Variants in CACNB2 observed in about 807,000 individuals in gnomAD.
CACNB2 encodes voltage-dependent L-type calcium channel subunit beta-2.
A neutral mutation model predicts 73.3 loss-of-function variants in CACNB2; 42 were observed. The observed-to-expected ratio is 0.57, with a 90% confidence interval of 0.45 to 0.74. CACNB2 has a LOEUF of 0.74. Among genes scored for constraint, CACNB2 ranks in the 30% least tolerant of loss-of-function variants. CACNB2 has a pLI of 0.00. For synonymous variants in CACNB2, 348 were observed against 310.3 expected (o/e 1.12, Z -1.28); for missense variants, 940 against 853.0 (o/e 1.10, Z -1.27).
intron 2 of CACNB2, among the ~76,000 whole-genome samples, chr10:18,387,568 T>G (rs1024681350): frequency 7.2e-5 from 11 of 152,148 alleles, no homozygotes; most frequent in African/African-American, 2.4e-4. Flanking sequence ...TTCCAATGAT[T>G]GTCATTTAAA....
At position 18,536,275 on chromosome 10, in the gene CACNB2, G is replaced by GTTTTTTTTTTTTT. The variant is rs2053587888; in HGVS notation, c.1302+79_1302+80insTTTTTTTTTTTTT. On this transcript the variant is annotated intron_variant, in intron 12 of 13. Coordinates refer to ENST00000324631, the MANE Select transcript of CACNB2 (RefSeq NM_201596.3). ...TTTTTTTTTTTTTTTTTTTTTTTTG[G>GTTTTTTTTTTTTT]GGGACAAGGTCTTGCTCTGTTGCCC... 4.0e-3 allele frequency: 368 copies of GTTTTTTTTTTTTT among 92,494 alleles called. 89 individuals are homozygous for GTTTTTTTTTTTTT. The highest frequency in any genetic ancestry group is 0.02 in the African/African-American group (199 of 10,148). 5.7% of individuals were successfully genotyped at this position (92,494 alleles called of 1,614,324 possible). A position where few individuals can be genotyped will look rare whatever the true frequency, so the allele number is the denominator to read the frequency against.
chr10:18,433,094 T>C (rs149257680), intron 3 of CACNB2, among the ~76,000 whole-genome samples: 20 of 145,388 alleles, frequency 1.4e-4, no homozygotes, highest in African/African-American at 4.9e-4. Context: ...TATTTATTCA[T>C]TAAAATAAAT....
chr10:18,543,282 C>A lies in CACNB2; in HGVS notation c.*3558C>A, dbSNP rs2054140244. Reference sequence around the variant, plus strand: ...ACTTTATGTTCCTTTAGTAATCTTCCTATTATGTCTGATTAAAAAAAAAGA... The same window carrying A: ...ACTTTATGTTCCTTTAGTAATCTTCATATTATGTCTGATTAAAAAAAAAGA... On this transcript the variant is annotated 3_prime_UTR_variant, in exon 14 of 14. Coordinates refer to ENST00000324631, the MANE Select transcript of CACNB2 (RefSeq NM_201596.3). 1 of 151,740 alleles carries A rather than the reference C, an allele frequency of 6.6e-6. No homozygotes were observed. The highest frequency in any genetic ancestry group is 6.6e-5 in the Admixed American group (1 of 15,228). 9.4% of individuals were successfully genotyped at this position (151,740 alleles called of 1,614,324 possible).
chr10:18,206,390 A>G (rs373673131), intron 2 of CACNB2: 34 of 152,652 alleles, frequency 2.2e-4, no homozygotes, highest in African/African-American at 7.9e-4. Context: ...TGGGGCATCC[A>G]CTGCTCGGGC....
At chr10:18,173,831 G>A (rs2033408607) in intron 2 of CACNB2, among the ~76,000 whole-genome samples, 1 of 152,144 alleles carries the variant, frequency 6.6e-6, no homozygotes, top group South Asian at 2.1e-4. Context: ...TTTTTAAAAT[G>A]CTTGGCCATT....
chr10:18,284,528 G>A (rs557133879), intron 2 of CACNB2, among the ~76,000 whole-genome samples: 1 of 152,232 alleles, frequency 6.6e-6, no homozygotes, highest in South Asian at 2.1e-4. Context: ...TCCTTTACTG[G>A]AAACATGTGC....
intron 2 of CACNB2, among the ~76,000 whole-genome samples, chr10:18,288,941 A>T (rs1027024675): frequency 6.6e-6 from 1 of 152,096 alleles, no homozygotes; most frequent in African/African-American, 2.4e-5. Flanking sequence ...GCTACTCAGG[A>T]GGTTGAAGTG....
Position 18,215,329 on chromosome 10 carries a change from G to A in CACNB2, c.213+64354G>A, listed in dbSNP as rs1024468765. The stretch of plus-strand genomic sequence containing the variant: ...TTTGTTCCAAATTTTCATGACCATC[G>A]GAGCGGGTCTGACGGTGAGACCAGA... On this transcript the variant is annotated intron_variant, in intron 2 of 13. Transcript: ENST00000324631. 3.9e-5 allele frequency among the ~76,000 whole-genome samples: 6 copies of A among 152,088 alleles called. No individual in the cohort carries two copies. In the East Asian group the frequency reaches 7.7e-4, roughly 20 times the overall value.
At chr10:18,244,489 A>T (rs887855587) in intron 2 of CACNB2, among the ~76,000 whole-genome samples, 5 of 152,272 alleles carry the variant, frequency 3.3e-5, no homozygotes, top group Non-Finnish European at 7.3e-5. Flanking sequence ...CAGGTGAAGC[A>T]TAATACTGAT....
At chr10:18,406,722 T>C (rs1348829857) in intron 3 of CACNB2, among the ~76,000 whole-genome samples, 1 of 152,154 alleles carries the variant, frequency 6.6e-6, no homozygotes, top group Non-Finnish European at 1.5e-5. Context: ...AAGTGCACAA[T>C]CAATGTAATG....
At chr10:18,181,562 TTTTTA>T (rs147509760) in intron 2 of CACNB2, among the ~76,000 whole-genome samples, 46,366 of 112,960 alleles carry the variant, frequency 0.41, 10,416 homozygotes, top group Middle Eastern at 0.48. Flanking sequence ...GAGGATAACT[TTTTTA>T]TTTTATTTTA....
intron 3 of CACNB2, among the ~76,000 whole-genome samples, chr10:18,474,414 C>T (rs71497247): frequency 3.9e-5 from 6 of 152,018 alleles, no homozygotes; most frequent in South Asian, 2.1e-4. Flanking sequence ...CTAGGCTCAG[C>T]GTCCTAAACT....
At chr10:18,363,666 G>A (rs2042230605) in intron 2 of CACNB2, among the ~76,000 whole-genome samples, 1 of 152,140 alleles carries the variant, frequency 6.6e-6, no homozygotes, top group Non-Finnish European at 1.5e-5. Context: ...AGACAATGTG[G>A]CCAAAGGAAG....
intron 3 of CACNB2, among the ~76,000 whole-genome samples, chr10:18,404,872 C>G (rs944152700): frequency 6.6e-6 from 1 of 152,204 alleles, no homozygotes; most frequent in African/African-American, 2.4e-5. Flanking sequence ...TAAGGCTTTT[C>G]TTAACCACTA....
chr10:18,495,544 ACTGTGTGTGTGTG>A (rs1285521392), intron 3 of CACNB2, among the ~76,000 whole-genome samples: 6 of 123,596 alleles, frequency 4.9e-5, no homozygotes, highest in African/African-American at 2.0e-4. Context: ...AAGTATAAAA[ACTGTGTGTGTGTG>A]TGTGTGTGTG....
intron 3 of CACNB2, among the ~76,000 whole-genome samples, chr10:18,426,039 C>G (rs1368312567): frequency 1.3e-5 from 2 of 152,098 alleles, no homozygotes; most frequent in African/African-American, 2.4e-5. Flanking sequence ...CATATCAACC[C>G]ATCATATTTT....
At chr10:18,276,288 A>G (rs916110059) in intron 2 of CACNB2, among the ~76,000 whole-genome samples, 1 of 152,250 alleles carries the variant, frequency 6.6e-6, no homozygotes, top group African/African-American at 2.4e-5. Context: ...TCAATCGTGT[A>G]CTTGCTAACC....
intron 2 of CACNB2, among the ~76,000 whole-genome samples, chr10:18,310,536 C>T (rs1299657717): frequency 1.7e-5 from 2 of 118,616 alleles, no homozygotes; most frequent in African/African-American, 3.2e-5. Flanking sequence ...ACCCAGGAGG[C>T]GGAGTTTGTG....
chr10:18,471,292 GT>G (rs1255425229), intron 3 of CACNB2, among the ~76,000 whole-genome samples: 9 of 152,124 alleles, frequency 5.9e-5, no homozygotes, highest in Non-Finnish European at 1.3e-4. Flanking sequence ...GGCAACAAGA[GT>G]GAAACTCCAT....
Sources: allele counts gnomAD v4.1 joint callset (sites outside exome capture counted in the v4.1 genomes callset), GRCh38; gene constraint gnomAD v4.1.1; transcripts MANE v1.5; gene names NCBI Gene and HGNC (gene_info 2026-07-23, HGNC 2026-07-21).